Variants in DOCK3 observed in about 807,000 individuals in gnomAD.
The protein encoded by DOCK3 is dedicator of cytokinesis 3, also known as dedicator of cytokinesis protein 3.
A neutral mutation model predicts 265.6 loss-of-function variants in DOCK3; 60 were observed. The observed-to-expected ratio is 0.23, with a 90% CI of 0.18 to 0.28. The LOEUF is 0.28. Ranked by LOEUF, DOCK3 falls within the 10% of genes least tolerant of loss-of-function variation. The pLI, the probability that DOCK3 is intolerant of heterozygous loss-of-function variation, is 1.00. For synonymous variants in DOCK3, 881 were observed against 938.0 expected (o/e 0.94, Z 1.11); for missense variants, 1,981 against 2,594.3 (o/e 0.76, Z 5.14).
At chr3:51,215,114 T>A (rs1008100968) in intron 14 of DOCK3, among the ~76,000 whole-genome samples, 2 of 152,152 alleles carry the variant, frequency 1.3e-5, no homozygotes, top group Non-Finnish European at 2.9e-5. Context: ...TCAGTTGAGT[T>A]TTTTTGTTGT....
chr3:50,827,170 G>A (rs2044810503), intron 2 of DOCK3, among the ~76,000 whole-genome samples: 1 of 152,186 alleles, frequency 6.6e-6, no homozygotes, highest in African/African-American at 2.4e-5. Context: ...TTTAACCATG[G>A]AGACTAGAAG....
intron 52 of DOCK3, 150 bp from the exon 53 acceptor site, chr3:51,380,900 G>A: frequency 9.8e-7 from 1 of 1,020,922 alleles, no homozygotes; most frequent in Non-Finnish European, 1.4e-6. Context: ...GGTGGTGGGA[G>A]GAGCTGGGAG....
At chr3:51,114,944 G>T (rs528892058) in intron 9 of DOCK3, among the ~76,000 whole-genome samples, 16 of 152,078 alleles carry the variant, frequency 1.1e-4, no homozygotes, top group African/African-American at 3.4e-4. Flanking sequence ...GAGAATTATG[G>T]TTTCCATCTT....
At chr3:50,977,260 A>G (rs2077487293) in intron 5 of DOCK3, among the ~76,000 whole-genome samples, 3 of 151,900 alleles carry the variant, frequency 2.0e-5, no homozygotes, top group Admixed American at 2.0e-4. Context: ...ACATTTTGGC[A>G]TGATTTTGCA....
Position 51,218,401 on chromosome 3 carries a change from T to C in DOCK3, c.1252+4154T>C, listed in dbSNP as rs552010317. 7.2e-5 allele frequency among the ~76,000 whole-genome samples: 11 copies of C among 152,234 alleles called. No homozygotes were observed. The South Asian group carries it at 1.5e-3, about 20-fold the overall frequency. On this transcript the variant is annotated intron_variant, in intron 14 of 52. Transcript: ENST00000266037. The stretch of plus-strand genomic sequence containing the variant: ...GTGAGCCAAGATCATACCACTGCAC[T>C]CCAGCCTGTGTGACAGAGCAGAATC...
intron 1 of DOCK3, among the ~76,000 whole-genome samples, chr3:50,681,492 C>T: frequency 6.6e-6 from 1 of 152,098 alleles, no homozygotes; most frequent in East Asian, 1.9e-4. Flanking sequence ...CAAGCCAAAC[C>T]TGTTTATGAT....
At chr3:51,225,902 T>C (rs2090308048) in intron 15 of DOCK3, 129 bp downstream of exon 15, 7 of 1,262,484 alleles carry the variant, frequency 5.5e-6, no homozygotes, top group Non-Finnish European at 7.5e-6. Context: ...CTCTGCCTTT[T>C]TCTTTCTTGA....
At position 51,105,951 on chromosome 3, in the gene DOCK3, A is replaced by C. The variant is rs150169443; in HGVS notation, c.746+15567A>C. ...TGCCACAGGCCCCACAAATCCTGGC[A>C]GGGAGAGATCCCTCAACCACCACAG... On this transcript the variant is annotated intron_variant, in intron 9 of 52. Coordinates refer to ENST00000266037, the MANE Select transcript of DOCK3 (RefSeq NM_004947.5). Among the ~76,000 whole-genome samples the C allele has an allele frequency of 4.1e-3, 631 of 152,324 alleles. 4 individuals are homozygous for C. The highest frequency in any genetic ancestry group is 0.015 in the African/African-American group (608 of 41,578).
intron 27 of DOCK3, among the ~76,000 whole-genome samples, chr3:51,281,168 A>G (rs2081089482): frequency 6.6e-6 from 1 of 151,740 alleles, no homozygotes; most frequent in South Asian, 2.1e-4. Context: ...CTTTTCTTGT[A>G]GAACAGTGAT....
In DOCK3 at chr3:50,929,586, T is replaced by A. The variant is rs375017689; in HGVS notation, c.219-4395T>A. Reference sequence around the variant, plus strand: ...CTAGTCACCAGTGCTGGCTTTTGACTTCAGAGTCCAGAAGACCTATGATTT... The same window carrying A: ...CTAGTCACCAGTGCTGGCTTTTGACATCAGAGTCCAGAAGACCTATGATTT... On this transcript the variant is annotated intron_variant, in intron 4 of 52. Coordinates refer to ENST00000266037, the MANE Select transcript of DOCK3 (RefSeq NM_004947.5). 3.3e-4 allele frequency among the ~76,000 whole-genome samples: 51 copies of A among 152,344 alleles called. 1 individual carries two copies. The South Asian group carries it at 0.01, about 30-fold the overall frequency.
Position 51,312,958 on chromosome 3 carries a change from T to A in DOCK3, c.3253+56T>A, listed in dbSNP as rs1459570570. ...ATATATTGCATAGCCAAATAGAAAG[T>A]AGCAAGACTAATAACATCTCCCAGG... On this transcript the variant is annotated intron_variant, in intron 31 of 52. Transcript: ENST00000266037. 2.0e-6 allele frequency: 3 copies of A among 1,466,452 alleles called. No individual in the cohort carries two copies. In the African/African-American group the frequency reaches 4.2e-5, roughly 20 times the overall value. The allele number at this position is 1,466,452 out of a possible 1,614,324, so 90.8% of individuals were successfully genotyped here.
chr3:50,944,678 G>A (rs1184823790), intron 5 of DOCK3, among the ~76,000 whole-genome samples: 2 of 152,134 alleles, frequency 1.3e-5, no homozygotes, highest in Non-Finnish European at 2.9e-5. Flanking sequence ...AGCTTTGTAG[G>A]CGGGGCATGG....
chr3:50,742,347 A>G (rs1347949804), intron 1 of DOCK3, among the ~76,000 whole-genome samples: 1 of 152,242 alleles, frequency 6.6e-6, no homozygotes, highest in East Asian at 1.9e-4. Flanking sequence ...CTGGACGGAG[A>G]GTGACTTTGA....
chr3:50,692,961 C>G (rs1012603037), intron 1 of DOCK3, among the ~76,000 whole-genome samples: 20 of 152,134 alleles, frequency 1.3e-4, no homozygotes, highest in Non-Finnish European at 2.8e-4. Context: ...CCAGTTTTCC[C>G]AGCACCATTT....
intron 30 of DOCK3, 27 bp from the exon 31 acceptor site, chr3:51,312,817 G>A (rs766472467): frequency 8.1e-6 from 13 of 1,601,576 alleles, no homozygotes; most frequent in South Asian, 2.3e-5. Context: ...TCCCACTAAC[G>A]GTTGGCTCCT....
At chr3:51,137,502 A>G (rs1050107660) in intron 9 of DOCK3, among the ~76,000 whole-genome samples, 2 of 152,206 alleles carry the variant, frequency 1.3e-5, no homozygotes, top group Non-Finnish European at 2.9e-5. Flanking sequence ...AGTGCCGGGC[A>G]TGGGCTGATA....
At chr3:51,136,883 C>T (rs1385760064) in intron 9 of DOCK3, among the ~76,000 whole-genome samples, 1 of 152,012 alleles carries the variant, frequency 6.6e-6, no homozygotes, top group East Asian at 1.9e-4. Context: ...TCTGATTCAA[C>T]CCAAGAAAAT....
chr3:51,172,976 G>A (rs1159278062), intron 12 of DOCK3, among the ~76,000 whole-genome samples: 7 of 152,068 alleles, frequency 4.6e-5, no homozygotes, highest in Admixed American at 3.9e-4. Context: ...ATATTTACAT[G>A]TTGTAACCAT....
chr3:51,261,988 T>A (rs1020638164), intron 23 of DOCK3, among the ~76,000 whole-genome samples: 1 of 152,168 alleles, frequency 6.6e-6, no homozygotes, highest in African/African-American at 2.4e-5. Flanking sequence ...TGGGCACAGC[T>A]TCAGCAGACT....
Sources: gnomAD v4.1 joint callset for allele counts (sites outside exome capture counted in the v4.1 genomes callset) on GRCh38, gnomAD v4.1.1 for gene constraint, MANE v1.5 for transcripts, NCBI Gene and HGNC (gene_info 2026-07-23, HGNC 2026-07-21) for gene names.